Variants in EPHB1 observed in about 807,000 individuals in gnomAD.
EPHB1 encodes ephrin type-B receptor 1.
In EPHB1, 30 loss-of-function variants were observed where a neutral mutation model predicts 94.4. That is an observed-to-expected ratio of 0.32 (90% confidence interval 0.24 to 0.43). The LOEUF (loss-of-function observed/expected upper bound fraction) is 0.43, where lower values mean the gene tolerates loss of function less well. Ranked by LOEUF, EPHB1 falls within the 20% of genes least tolerant of loss-of-function variation. The pLI is 1.00. For missense variants in EPHB1, 1,055 were observed against 1,308.3 expected, an observed-to-expected ratio of 0.81 and a Z score of 2.99; for synonymous variants, 522 against 489.1, an observed-to-expected ratio of 1.07 and a Z score of -0.89.
intron 2 of EPHB1, among the ~76,000 whole-genome samples, chr3:134,948,345 T>A (rs1178071926): frequency 5.7e-5 from 8 of 139,878 alleles, no homozygotes; most frequent in African/African-American, 8.3e-5. Context: ...AAAAAAAAAA[T>A]TTCCTTTCCT....
chr3:134,948,329 T>TA (rs34196572), intron 2 of EPHB1, among the ~76,000 whole-genome samples: 72,094 of 145,038 alleles, frequency 0.5, 18,101 homozygotes, highest in African/African-American at 0.63. Context: ...AGCAGAACAG[T>TA]AAAAAAAAAA....
Position 135,249,411 on chromosome 3 carries a change from C to G in EPHB1, c.2766C>G (p.Ala922=), listed in dbSNP as rs1576500480. The stretch of plus-strand genomic sequence containing the variant: ...CCACCGTGGATGACTGGCTCAGCGC[C>G]ATCAAAATGGTCCAGTACAGGGACA... ...AFTTVDDWLS[A]IKMVQYRDSF... Residue 922 remains alanine (A), a synonymous_variant, in exon 15 of 16, where the codon GCC becomes GCG. Coordinates refer to ENST00000398015, the MANE Select transcript of EPHB1 (RefSeq NM_004441.5). 5 of 1,614,042 alleles carry G rather than the reference C, an allele frequency of 3.1e-6. No individual in the cohort carries two copies. The highest frequency in any genetic ancestry group is 4.2e-6 in the Non-Finnish European group (5 of 1,179,896).
At chr3:134,807,494 A>AGTGTGT (rs151336394) in intron 1 of EPHB1, among the ~76,000 whole-genome samples, 207 of 138,830 alleles carry the variant, frequency 1.5e-3, no homozygotes, top group African/African-American at 5.4e-3. Context: ...TTGGGGAAGG[A>AGTGTGT]GTGTGTGTGT....
intron 12 of EPHB1, among the ~76,000 whole-genome samples, chr3:135,204,782 C>T (rs2107714156): frequency 6.6e-6 from 1 of 151,712 alleles, no homozygotes; most frequent in South Asian, 2.1e-4. Context: ...GGATTATAGG[C>T]ATGAGCCACC....
At chr3:135,020,598 C>A (rs1286358023) in intron 3 of EPHB1, among the ~76,000 whole-genome samples, 1 of 152,220 alleles carries the variant, frequency 6.6e-6, no homozygotes, top group South Asian at 2.1e-4. Flanking sequence ...CTCAATACCT[C>A]AATTTGCCAT....
chr3:135,258,965 G>C (rs1361457123), intron 15 of EPHB1, 47 bp from the exon 16 acceptor site: 1 of 1,448,002 alleles, frequency 6.9e-7, no homozygotes, highest in African/African-American at 1.4e-5. Context: ...TCTGCGAAAA[G>C]CTAACCTAAC....
intron 1 of EPHB1, among the ~76,000 whole-genome samples, chr3:134,804,354 GA>G (rs1016337500): frequency 6.6e-5 from 10 of 152,050 alleles, no homozygotes; most frequent in Admixed American, 6.5e-4. Context: ...ATAGCACGGG[GA>G]AAGACCGGCC....
At chr3:135,248,541 T>C (rs1418976295) in intron 14 of EPHB1, 32 bp downstream of exon 14, 2 of 1,531,486 alleles carry the variant, frequency 1.3e-6, no homozygotes, top group South Asian at 1.2e-5. Context: ...TCCCTAAATA[T>C]GGCTGGTTTC....
intron 3 of EPHB1, among the ~76,000 whole-genome samples, chr3:135,069,968 C>T (rs1419988589): frequency 6.6e-6 from 1 of 152,178 alleles, no homozygotes; most frequent in Non-Finnish European, 1.5e-5. Context: ...GTCTTTACTG[C>T]AGGACTTTTC....
intron 11 of EPHB1, among the ~76,000 whole-genome samples, chr3:135,197,197 A>G (rs963949469): frequency 2.6e-5 from 4 of 152,144 alleles, no homozygotes; most frequent in African/African-American, 9.7e-5. Context: ...GGTTCTTGAC[A>G]TGCGCCATAA....
chr3:135,074,820 T>G lies in EPHB1; in HGVS notation c.806-31628T>G, dbSNP rs574318456. Among the ~76,000 whole-genome samples the G allele has an allele frequency of 1.8e-4, 28 of 152,244 alleles. No homozygotes were observed. In the South Asian group the frequency reaches 5.8e-3, roughly 32 times the overall value. On this transcript the variant is annotated intron_variant, in intron 3 of 15. Transcript: ENST00000398015. Reference sequence around the variant, plus strand: ...AGCTCTCCTTCTTCCATACTGCATGTGACCTCTAAGTAAAGGCCATGTAAG... The same window carrying G: ...AGCTCTCCTTCTTCCATACTGCATGGGACCTCTAAGTAAAGGCCATGTAAG...
chr3:134,959,984 T>G (rs1172118628), intron 3 of EPHB1, among the ~76,000 whole-genome samples: 1 of 34,394 alleles, frequency 2.9e-5, no homozygotes, highest in Non-Finnish European at 5.7e-5. Flanking sequence ...TTTTTTTTTT[T>G]TTTTTTTTTT....
At chr3:135,035,433 A>G (rs1936614476) in intron 3 of EPHB1, among the ~76,000 whole-genome samples, 1 of 152,230 alleles carries the variant, frequency 6.6e-6, no homozygotes, top group Admixed American at 6.5e-5. Context: ...TCTTATTCCA[A>G]GCCAGTATTT....
intron 1 of EPHB1, among the ~76,000 whole-genome samples, chr3:134,798,243 G>A (rs1330916733): frequency 6.6e-6 from 1 of 152,228 alleles, no homozygotes; most frequent in Non-Finnish European, 1.5e-5. Context: ...GCCCAGGCCA[G>A]GGCAGGGACA....
rs573736990 is a variant in EPHB1, at chr3:135,185,771, C to A, written c.1882+5789C>A. Reference sequence around the variant, plus strand: ...CCACTCTTGTTGCTATGGAAAAGAGCAGCTCAGTATACAGAGGCATTGCTT... The same window carrying A: ...CCACTCTTGTTGCTATGGAAAAGAGAAGCTCAGTATACAGAGGCATTGCTT... On this transcript the variant is annotated intron_variant, in intron 10 of 15. Transcript: ENST00000398015. Among the ~76,000 whole-genome samples, 4 of 152,294 alleles carry A rather than the reference C, an allele frequency of 2.6e-5. 1 individual carries two copies. In the South Asian group the frequency reaches 8.3e-4, roughly 32 times the overall value.
intron 1 of EPHB1, among the ~76,000 whole-genome samples, chr3:134,858,306 G>A (rs149127723): frequency 1.3e-5 from 2 of 152,110 alleles, no homozygotes; most frequent in Non-Finnish European, 2.9e-5. Flanking sequence ...TTTCCCCTGT[G>A]TGGTAAGACT....
chr3:135,153,574 GTC>G (rs1941260049), intron 5 of EPHB1, among the ~76,000 whole-genome samples: 1 of 152,108 alleles, frequency 6.6e-6, no homozygotes, highest in Non-Finnish European at 1.5e-5. Flanking sequence ...TCTGTTGTTG[GTC>G]TGTGTTCATG....
chr3:134,992,425 G>A (rs746773726), intron 3 of EPHB1, among the ~76,000 whole-genome samples: 5 of 152,186 alleles, frequency 3.3e-5, no homozygotes, highest in African/African-American at 4.8e-5. Flanking sequence ...CCAAGCCTCC[G>A]GTCAGTATGG....
chr3:135,024,264 T>C lies in EPHB1; in HGVS notation c.805+72212T>C, dbSNP rs146392071. ...GCTGCATACCCTTTGCCCAACTTCATCTCAAGAGACTCGGGAAAAATATAG... is the reference window on the plus strand; with the variant it reads ...GCTGCATACCCTTTGCCCAACTTCACCTCAAGAGACTCGGGAAAAATATAG... On this transcript the variant is annotated intron_variant, in intron 3 of 15. Coordinates refer to ENST00000398015, the MANE Select transcript of EPHB1 (RefSeq NM_004441.5). Among the ~76,000 whole-genome samples the C allele has an allele frequency of 1.6e-3, 243 of 152,340 alleles. 2 individuals are homozygous for C. Among genetic ancestry groups the C allele is most frequent in the East Asian group, 2.5e-3 (13 of 5,190 alleles).
Sources: allele counts gnomAD v4.1 joint callset (sites outside exome capture counted in the v4.1 genomes callset), GRCh38; gene constraint gnomAD v4.1.1; transcripts MANE v1.5; gene names NCBI Gene and HGNC (gene_info 2026-07-23, HGNC 2026-07-21).